HAUS6: variants seen among roughly 807,000 people sequenced by gnomAD.
HAUS6 encodes HAUS augmin-like complex subunit 6.
In HAUS6, 80 loss-of-function variants were observed where a neutral mutation model predicts 106.8. The observed-to-expected ratio is 0.75, with a 90% CI of 0.63 to 0.90. The LOEUF (loss-of-function observed/expected upper bound fraction) is 0.90. Among genes scored for constraint, HAUS6 ranks in the 40% least tolerant of loss-of-function variants. The probability of loss-of-function intolerance (pLI) is 0.00; values close to 1 mark genes in which losing one functional copy is unlikely to be tolerated. For missense variants in HAUS6, 1,155 were observed against 1,118.1 expected (o/e 1.03, Z -0.47); for synonymous variants, 356 against 379.1 (o/e 0.94, Z 0.71).
intron 9 of HAUS6, among the ~76,000 whole-genome samples, chr9:19,079,546 A>T (rs1447649290): frequency 1.3e-5 from 2 of 151,932 alleles, no homozygotes; most frequent in African/African-American, 4.8e-5. Flanking sequence ...ATTTATTTTT[A>T]AGATAGAAGT....
chr9:19,096,199 G>A, intron 2 of HAUS6, among the ~76,000 whole-genome samples: 1 of 152,246 alleles, frequency 6.6e-6, no homozygotes, highest in East Asian at 1.9e-4. Flanking sequence ...TAAAGATTAA[G>A]TATTAAATGT....
intron 11 of HAUS6, among the ~76,000 whole-genome samples, chr9:19,076,327 T>C (rs562065577): frequency 6.6e-6 from 1 of 151,936 alleles, no homozygotes; most frequent in East Asian, 1.9e-4. Context: ...GCACTCCAGC[T>C]TGGGCAACAA....
intron 10 of HAUS6, among the ~76,000 whole-genome samples, chr9:19,077,309 T>C (rs1238697096): frequency 2.0e-5 from 3 of 152,030 alleles, no homozygotes; most frequent in South Asian, 2.1e-4. Flanking sequence ...CAGAGGCAGG[T>C]GGATCACCTG....
intron 3 of HAUS6, among the ~76,000 whole-genome samples, chr9:19,093,585 A>G (rs1295403984): frequency 6.6e-6 from 1 of 152,166 alleles, no homozygotes; most frequent in East Asian, 1.9e-4. Flanking sequence ...GAATTTGATC[A>G]GGGCTGGGTG....
At chr9:19,074,599 TC>T (rs1836952899) in intron 11 of HAUS6, among the ~76,000 whole-genome samples, 2 of 152,192 alleles carry the variant, frequency 1.3e-5, no homozygotes, top group South Asian at 4.2e-4. Flanking sequence ...TGTCTTCTCT[TC>T]TGGTTGCACC....
At position 19,054,614 on chromosome 9, in the gene HAUS6, C is replaced by T. The variant is rs1836431203; in HGVS notation, c.*1729G>A. On this transcript the variant is annotated 3_prime_UTR_variant, in exon 17 of 17. Coordinates refer to ENST00000380502, the MANE Select transcript of HAUS6 (RefSeq NM_017645.5). ...TTTGATTCTCAGTAATTAAGGGTTT[C>T]TCAGACTTGGGTGGCCAACTTGAGC... is the stretch of plus-strand genomic sequence containing the variant. 6.6e-6 allele frequency: 1 copy of T among 152,198 alleles called. No homozygotes were observed. The highest frequency in any genetic ancestry group is 2.4e-5 in the African/African-American group (1 of 41,464). 9.4% of individuals were successfully genotyped at this position (152,198 alleles called of 1,614,324 possible). A position where few individuals can be genotyped will look rare whatever the true frequency, so the allele number is the denominator to read the frequency against.
At chr9:19,086,550 G>A (rs1271707289) in intron 7 of HAUS6, among the ~76,000 whole-genome samples, 184 bp downstream of exon 7, 1 of 151,358 alleles carries the variant, frequency 6.6e-6, no homozygotes, top group Non-Finnish European at 1.5e-5. Flanking sequence ...AACTCAAGAG[G>A]CAGAGGGTGT....
At chr9:19,085,460 T>G (rs975195744) in intron 7 of HAUS6, among the ~76,000 whole-genome samples, 1 of 152,056 alleles carries the variant, frequency 6.6e-6, no homozygotes, top group Non-Finnish European at 1.5e-5. Context: ...CTAGCACATA[T>G]CAGATGATCA....
chr9:19,090,709 G>C (rs1408077815), intron 4 of HAUS6, among the ~76,000 whole-genome samples: 1 of 152,102 alleles, frequency 6.6e-6, no homozygotes, highest in Non-Finnish European at 1.5e-5. Context: ...AAAGATAAGA[G>C]GAGATCACAT....
chr9:19,067,567 A>AT lies in HAUS6; in HGVS notation c.1376+2651dup, dbSNP rs1256976316. On this transcript the variant is annotated intron_variant, in intron 12 of 16. Coordinates refer to ENST00000380502, the MANE Select transcript of HAUS6 (RefSeq NM_017645.5). ...AGAAGACAGATGTGGAAATCAAAGT[A>AT]TATCTAATAGACCTTCTTTTTCCTA... 5.3e-5 allele frequency among the ~76,000 whole-genome samples: 8 copies of AT among 152,358 alleles called. No homozygotes were observed. The East Asian group carries it at 1.5e-3, about 29-fold the overall frequency.
Position 19,102,750 on chromosome 9 carries a change from G to T in HAUS6, c.-99C>A. 1 of 1,261,694 alleles carries T rather than the reference G, an allele frequency of 7.9e-7. No individual in the cohort carries two copies. The highest frequency in any genetic ancestry group is 1.5e-5 in the African/African-American group (1 of 66,600). 78.2% of individuals were successfully genotyped at this position (1,261,694 alleles called of 1,614,324 possible). A position where few individuals can be genotyped will look rare whatever the true frequency, so the allele number is the denominator to read the frequency against. On this transcript the variant is annotated 5_prime_UTR_variant, in exon 1 of 17. Coordinates refer to ENST00000380502, the MANE Select transcript of HAUS6 (RefSeq NM_017645.5). ...TCCCTACGGTCAGCCTGAGGTCGCG[G>T]TGGTCCTTCCATTGCCAACGCCTGC...
rs774152882 is a variant in HAUS6, at chr9:19,058,623, G to T, written c.2144C>A (p.Ser715Tyr). 3 of 1,606,100 alleles carry T rather than the reference G, an allele frequency of 1.9e-6. No individual in the cohort carries two copies. Among genetic ancestry groups the T allele is most frequent in the Admixed American group, 3.3e-5 (2 of 59,858 alleles). Residue 715 changes from serine to tyrosine, a missense_variant, in exon 16 of 17, where the codon TCC (serine) becomes TAC (tyrosine). This residue lies in a region of HAUS6 where 380 missense variants were observed against 394.8 expected (regional missense o/e 0.96). Coordinates refer to ENST00000380502, the MANE Select transcript of HAUS6 (RefSeq NM_017645.5). ...ATCTATCCTATTGCCGACAGCAGGG[G>T]AGAATGTCTCCATTCGGCTAGTTTC... ...LSETSRMETF[S>Y]PAVGNRIDVM...
chr9:19,074,417 A>C (rs1429600212), intron 11 of HAUS6, among the ~76,000 whole-genome samples: 1 of 152,090 alleles, frequency 6.6e-6, no homozygotes, highest in African/African-American at 2.4e-5. Context: ...GACTACAGAC[A>C]CACACCACCA....
chr9:19,081,687 C>A (rs1248642013), intron 8 of HAUS6, among the ~76,000 whole-genome samples: 1 of 152,144 alleles, frequency 6.6e-6, no homozygotes, highest in Non-Finnish European at 1.5e-5. Flanking sequence ...GATCTACCCT[C>A]CTCAGCTTCC....
intron 4 of HAUS6, among the ~76,000 whole-genome samples, chr9:19,092,612 G>A (rs1202850920): frequency 9.1e-5 from 7 of 76,980 alleles, no homozygotes; most frequent in Non-Finnish European, 1.7e-4. Flanking sequence ...AAAAAACTCC[G>A]TCTCGGAAAA....
intron 3 of HAUS6, 92 bp from the exon 4 acceptor site, chr9:19,093,395 T>G: frequency 8.8e-7 from 1 of 1,142,140 alleles, no homozygotes. Context: ...GGTGTGACAG[T>G]CTTGCAATAG....
intron 2 of HAUS6, among the ~76,000 whole-genome samples, chr9:19,096,008 A>C (rs1157305720): frequency 6.6e-6 from 1 of 152,136 alleles, no homozygotes. Flanking sequence ...GTACCGAGCA[A>C]AAAAAATTGG....
At chr9:19,081,994 A>C (rs1394034061) in intron 8 of HAUS6, among the ~76,000 whole-genome samples, 1 of 152,210 alleles carries the variant, frequency 6.6e-6, no homozygotes, top group African/African-American at 2.4e-5. Context: ...GTGTTTTCTA[A>C]GAAAACAAAA....
intron 1 of HAUS6, among the ~76,000 whole-genome samples, chr9:19,099,017 CAAAA>C (rs377024544): frequency 1.1e-5 from 1 of 90,682 alleles, no homozygotes; most frequent in Non-Finnish European, 2.2e-5. Flanking sequence ...AACTCCATCT[CAAAA>C]AAAAAAAAAA....
Sources: gnomAD v4.1 joint callset for allele counts (sites outside exome capture counted in the v4.1 genomes callset) on GRCh38, gnomAD v4.1.1 for gene constraint, gnomAD v4.1.1 regional missense constraint, MANE v1.5 for transcripts, NCBI Gene and HGNC (gene_info 2026-07-23, HGNC 2026-07-21) for gene names.